Variants in NEO1 observed in about 807,000 individuals in gnomAD.
NEO1 encodes neogenin 1.
In NEO1, 63 loss-of-function variants were observed where a neutral mutation model predicts 159.7. The ratio of observed to expected loss-of-function variants is 0.39; its 90% CI spans 0.32 to 0.49. The LOEUF (loss-of-function observed/expected upper bound fraction) is 0.49. Among genes scored for constraint, NEO1 ranks in the 20% least tolerant of loss-of-function variants. The pLI, the probability that NEO1 is intolerant of heterozygous loss-of-function variation, is 0.85. For missense variants in NEO1, 1,615 were observed against 1,831.0 expected (o/e 0.88, Z 2.15); for synonymous variants, 633 against 662.0 (o/e 0.96, Z 0.67).
intron 1 of NEO1, among the ~76,000 whole-genome samples, chr15:73,061,355 T>C (rs530200419): frequency 6.6e-6 from 1 of 152,370 alleles, no homozygotes; most frequent in African/African-American, 2.4e-5. Context: ...CCCCTGGCCT[T>C]TCCTTTTATC....
At chr15:73,291,440 T>C (rs2151139280) in intron 25 of NEO1, among the ~76,000 whole-genome samples, 1 of 152,264 alleles carries the variant, frequency 6.6e-6, no homozygotes. Flanking sequence ...AACAGTTGGG[T>C]GGGTAAGTGG....
intron 22 of NEO1, among the ~76,000 whole-genome samples, chr15:73,281,383 T>C (rs2041703937): frequency 6.6e-6 from 1 of 150,848 alleles, no homozygotes; most frequent in Non-Finnish European, 1.5e-5. Context: ...GCCTCCTGAG[T>C]AGCTGGGACT....
intron 15 of NEO1, among the ~76,000 whole-genome samples, chr15:73,265,623 C>G (rs1265278513): frequency 6.6e-6 from 1 of 152,136 alleles, no homozygotes; most frequent in Non-Finnish European, 1.5e-5. Flanking sequence ...ACTGTGTTGC[C>G]CAAAGCACTT....
intron 7 of NEO1, 76 bp from the exon 8 acceptor site, chr15:73,236,271 G>A: frequency 6.2e-7 from 1 of 1,608,100 alleles, no homozygotes; most frequent in Non-Finnish European, 8.5e-7. Flanking sequence ...ATTCCCCAAT[G>A]TTTGCACATG....
At position 73,052,655 on chromosome 15, in the gene NEO1, C is replaced by G; in HGVS notation, c.-21C>G. The G allele has an allele frequency of 7.8e-7, 1 of 1,275,030 alleles. No homozygotes were observed. The allele number at this position is 1,275,030 out of a possible 1,614,324, so 79.0% of individuals were successfully genotyped here. ...CTCCGCGGCGCTGTCGCCGCCGCTG[C>G]CGCTCACTCTCGGGGAAGAGATGGC... On this transcript the variant is annotated 5_prime_UTR_variant, in exon 1 of 29. Coordinates refer to ENST00000261908, the MANE Select transcript of NEO1 (RefSeq NM_002499.4).
intron 4 of NEO1, among the ~76,000 whole-genome samples, chr15:73,130,719 A>T (rs1352077414): frequency 6.6e-6 from 1 of 152,162 alleles, no homozygotes; most frequent in East Asian, 1.9e-4. Context: ...GTAGAGAACA[A>T]ATGGAGAGCC....
At chr15:73,195,180 G>A (rs1253747997) in intron 7 of NEO1, among the ~76,000 whole-genome samples, 1 of 152,192 alleles carries the variant, frequency 6.6e-6, no homozygotes, top group Admixed American at 6.5e-5. Context: ...GAGCAAGCTT[G>A]AATTTGAATT....
At chr15:73,281,731 G>A (rs1170144747) in intron 22 of NEO1, among the ~76,000 whole-genome samples, 1 of 152,158 alleles carries the variant, frequency 6.6e-6, no homozygotes, top group African/African-American at 2.4e-5. Context: ...AAAATTAAGA[G>A]AGAGAGTAGC....
At chr15:73,287,275 C>T (rs2041983577) in intron 23 of NEO1, among the ~76,000 whole-genome samples, 1 of 152,206 alleles carries the variant, frequency 6.6e-6, no homozygotes, top group Admixed American at 6.5e-5. Context: ...TAGGTCTTAG[C>T]TTAAATGTCA....
intron 9 of NEO1, among the ~76,000 whole-genome samples, chr15:73,244,977 A>AAAAAAAAAAAAAAAAAAAAC (rs1555458859): frequency 8.9e-6 from 1 of 111,960 alleles, no homozygotes; most frequent in Non-Finnish European, 2.0e-5. Context: ...AAAAAAAAAA[A>AAAAAAAAAAAAAAAAAAAAC]AAAAAACAAC....
At chr15:73,097,313 C>G (rs2070105531) in intron 1 of NEO1, among the ~76,000 whole-genome samples, 4 of 150,354 alleles carry the variant, frequency 2.7e-5, no homozygotes, top group Admixed American at 6.6e-5. Context: ...TTCATTTTTC[C>G]ACGAACGTTT....
intron 1 of NEO1, among the ~76,000 whole-genome samples, chr15:73,109,303 C>T (rs961601571): frequency 6.6e-6 from 1 of 152,136 alleles, no homozygotes; most frequent in East Asian, 1.9e-4. Flanking sequence ...TATACAAATT[C>T]TCTCTCATCT....
chr15:73,121,780 A>G (rs2071667797), intron 2 of NEO1, among the ~76,000 whole-genome samples: 1 of 152,052 alleles, frequency 6.6e-6, no homozygotes, highest in African/African-American at 2.4e-5. Context: ...TGTTAATACC[A>G]TTATCCCAGA....
intron 1 of NEO1, among the ~76,000 whole-genome samples, chr15:73,100,784 T>C (rs1479068519): frequency 6.6e-6 from 1 of 152,256 alleles, no homozygotes; most frequent in African/African-American, 2.4e-5. Context: ...CAACGTCAGC[T>C]GGGCTCTCAG....
intron 22 of NEO1, among the ~76,000 whole-genome samples, chr15:73,282,473 T>C (rs1275542310): frequency 6.6e-6 from 1 of 152,250 alleles, no homozygotes; most frequent in Non-Finnish European, 1.5e-5. Flanking sequence ...TGTGTATTTA[T>C]AAAAACAGAC....
At position 73,253,396 on chromosome 15, in the gene NEO1, C is replaced by A; in HGVS notation, c.1895-4C>A. The A allele has an allele frequency of 1.4e-6, 2 of 1,465,492 alleles. No individual in the cohort carries two copies. Among genetic ancestry groups the A allele is most frequent in the Non-Finnish European group, 1.8e-6 (2 of 1,088,164 alleles). The allele number at this position is 1,465,492 out of a possible 1,614,324, so 90.8% of individuals were successfully genotyped here. A position where few individuals can be genotyped will look rare whatever the true frequency, so the allele number is the denominator to read the frequency against. On this transcript the variant is annotated splice_region_variant and splice_polypyrimidine_tract_variant and intron_variant, in intron 11 of 28. Transcript: ENST00000261908. Reference sequence around the variant, plus strand: ...AAATTTTTTTTTTTTTTTTGTTTCTCTAGTTCCCAGTGCTGCTCCTCAGAA... The same window carrying A: ...AAATTTTTTTTTTTTTTTTGTTTCTATAGTTCCCAGTGCTGCTCCTCAGAA...
chr15:73,092,502 T>G (rs2069751152), intron 1 of NEO1, among the ~76,000 whole-genome samples: 1 of 152,222 alleles, frequency 6.6e-6, no homozygotes. Context: ...TGAGTTTCAT[T>G]GAAAATGTTC....
At chr15:73,062,956 A>G (rs1261496728) in intron 1 of NEO1, among the ~76,000 whole-genome samples, 7 of 152,238 alleles carry the variant, frequency 4.6e-5, no homozygotes, top group Non-Finnish European at 8.8e-5. Context: ...GACACTTAGG[A>G]AGGAAAAAGA....
chr15:73,149,863 A>T (rs2151829585), intron 5 of NEO1, among the ~76,000 whole-genome samples: 1 of 152,318 alleles, frequency 6.6e-6, no homozygotes, highest in South Asian at 2.1e-4. Flanking sequence ...TTTTGTTGGG[A>T]ACATTTCAAA....
Sources: gnomAD v4.1 joint callset for allele counts (sites outside exome capture counted in the v4.1 genomes callset) on GRCh38, gnomAD v4.1.1 for gene constraint, MANE v1.5 for transcripts, NCBI Gene and HGNC (gene_info 2026-07-23, HGNC 2026-07-21) for gene names.